Variants in LARGE1 observed in about 807,000 individuals in gnomAD.
LARGE1 encodes xylosyl- and glucuronyltransferase LARGE1.
A neutral mutation model predicts 87.6 loss-of-function variants in LARGE1; 43 were observed. The observed-to-expected ratio is 0.49, with a 90% CI of 0.38 to 0.63. The LOEUF (loss-of-function observed/expected upper bound fraction) is 0.63. Among genes scored for constraint, LARGE1 ranks in the 30% least tolerant of loss-of-function variants. LARGE1 has a pLI of 0.00. For missense variants in LARGE1, 802 were observed against 1,000.2 expected, an observed-to-expected ratio of 0.80 and a Z score of 2.67; for synonymous variants, 434 against 394.6, an observed-to-expected ratio of 1.10 and a Z score of -1.18.
intron 1 of LARGE1, among the ~76,000 whole-genome samples, chr22:33,789,889 G>A (rs1036661755): frequency 1.3e-5 from 2 of 152,168 alleles, no homozygotes; most frequent in Admixed American, 1.3e-4. Context: ...GACTAGCCTT[G>A]TCTCAGATGA....
intron 1 of LARGE1, among the ~76,000 whole-genome samples, chr22:33,806,280 T>C (rs1378383981): frequency 1.3e-5 from 2 of 152,164 alleles, no homozygotes; most frequent in Non-Finnish European, 1.5e-5. Context: ...ATGTGAGGTG[T>C]TGGGAGCATC....
At chr22:33,733,867 T>A (rs1232381781) in intron 2 of LARGE1, among the ~76,000 whole-genome samples, 1 of 152,146 alleles carries the variant, frequency 6.6e-6, no homozygotes, top group Non-Finnish European at 1.5e-5. Context: ...ATAGCATTCA[T>A]GGAGATGGTG....
intron 4 of LARGE1, among the ~76,000 whole-genome samples, chr22:33,616,450 T>C (rs1325532053): frequency 1.3e-5 from 2 of 151,984 alleles, no homozygotes; most frequent in African/African-American, 4.8e-5. Flanking sequence ...GAGGATTGCT[T>C]GAACCCAAGA....
At chr22:33,246,505 G>A (rs1926765679) in intron 11 of LARGE1, among the ~76,000 whole-genome samples, 1 of 152,092 alleles carries the variant, frequency 6.6e-6, no homozygotes, top group African/African-American at 2.4e-5. Context: ...AATTAGCCAG[G>A]CGTGGTGGTG....
At chr22:33,816,623 G>A (rs2086653605) in intron 1 of LARGE1, among the ~76,000 whole-genome samples, 2 of 152,082 alleles carry the variant, frequency 1.3e-5, no homozygotes, top group African/African-American at 4.8e-5. Context: ...ATAGCAGGCA[G>A]GCAGGCGGGA....
downstream of LARGE1, among the ~76,000 whole-genome samples, chr22:33,157,488 T>A (rs1921908715): frequency 6.6e-6 from 1 of 152,196 alleles, no homozygotes. Flanking sequence ...AGTCCCTTCC[T>A]TGTATTATTT....
At chr22:33,314,770 A>G (rs1038530900) in intron 11 of LARGE1, among the ~76,000 whole-genome samples, 1 of 152,190 alleles carries the variant, frequency 6.6e-6, no homozygotes, top group African/African-American at 2.4e-5. Flanking sequence ...ACTGTGGGCC[A>G]TGTGTAAATT....
intron 1 of LARGE1, among the ~76,000 whole-genome samples, chr22:33,810,744 G>T (rs2086467295): frequency 6.7e-6 from 1 of 149,666 alleles, no homozygotes; most frequent in African/African-American, 2.5e-5. Flanking sequence ...TTTTTTTTGA[G>T]ATGGAGTCTT....
chr22:33,334,388 C>G (rs192469411), intron 10 of LARGE1, among the ~76,000 whole-genome samples: 1 of 135,642 alleles, frequency 7.4e-6, no homozygotes, highest in East Asian at 2.1e-4. Context: ...TCTAGCCTGG[C>G]GACAGAGCAA....
chr22:33,704,351 T>C (rs899198314), intron 2 of LARGE1, among the ~76,000 whole-genome samples: 4 of 152,224 alleles, frequency 2.6e-5, no homozygotes, highest in African/African-American at 4.8e-5. Context: ...CCCAGAATCC[T>C]GGCCTGATGA....
intron 11 of LARGE1, among the ~76,000 whole-genome samples, chr22:33,178,449 C>T (rs1173150645): frequency 1.3e-5 from 2 of 152,142 alleles, no homozygotes; most frequent in East Asian, 3.9e-4. Flanking sequence ...TCAAGTTATG[C>T]AGAAGGAGGC....
chr22:33,829,949 C>T (rs2062917737), intron 1 of LARGE1, among the ~76,000 whole-genome samples: 1 of 152,078 alleles, frequency 6.6e-6, no homozygotes, highest in South Asian at 2.1e-4. Context: ...CAGGCCCCTG[C>T]TTGAGAGATT....
intron 6 of LARGE1, among the ~76,000 whole-genome samples, chr22:33,547,772 C>T (rs564628971): frequency 1.3e-4 from 15 of 111,376 alleles, no homozygotes; most frequent in Admixed American, 4.3e-4. Flanking sequence ...CCAGCCTGGA[C>T]GACAGAGTGA....
At position 33,539,468 on chromosome 22, in the gene LARGE1, T is replaced by C. The variant is rs370491498; in HGVS notation, c.787+25380A>G. Among the ~76,000 whole-genome samples the C allele has an allele frequency of 4.6e-5, 7 of 152,322 alleles. No homozygotes were observed. The South Asian group carries it at 1.5e-3, about 32-fold the overall frequency. ...ACTTGCTCAAACATATCCTGTTCTATTAGCTAGGCTGGCTTGACAAACTTA... is the reference window on the plus strand; with the variant it reads ...ACTTGCTCAAACATATCCTGTTCTACTAGCTAGGCTGGCTTGACAAACTTA... On this transcript the variant is annotated intron_variant, in intron 6 of 14. Coordinates refer to ENST00000397394, the MANE Select transcript of LARGE1 (RefSeq NM_133642.5).
chr22:33,331,698 G>A (rs932777785), intron 10 of LARGE1, among the ~76,000 whole-genome samples: 2 of 152,062 alleles, frequency 1.3e-5, no homozygotes, highest in Admixed American at 6.5e-5. Flanking sequence ...GTGAGCCACC[G>A]CACCTGGCCT....
intron 2 of LARGE1, among the ~76,000 whole-genome samples, chr22:33,686,513 A>T (rs1252450990): frequency 1.3e-5 from 2 of 149,710 alleles, no homozygotes; most frequent in Non-Finnish European, 3.0e-5. Flanking sequence ...ATTGTACTCC[A>T]GCCTGGGCAA....
chr22:33,274,639 G>T lies in LARGE1; in HGVS notation c.2074-15C>A. 2 of 1,613,054 alleles carry T rather than the reference G, an allele frequency of 1.2e-6. No homozygotes were observed. Among genetic ancestry groups the T allele is most frequent in the Non-Finnish European group, 8.5e-7 (1 of 1,179,030 alleles). On this transcript the variant is annotated splice_polypyrimidine_tract_variant and intron_variant, in intron 14 of 14. Coordinates refer to ENST00000397394, the MANE Select transcript of LARGE1 (RefSeq NM_133642.5). ...AACTCATACTCCTGGAAGAAGACAA[G>T]AGCAGCGTGAGAACCCGCAAGAGCC...
chr22:33,808,729 G>A (rs144128210), intron 1 of LARGE1, among the ~76,000 whole-genome samples: 39 of 152,310 alleles, frequency 2.6e-4, no homozygotes, highest in Middle Eastern at 3.4e-3. Flanking sequence ...AGGAACCAGT[G>A]TTTCATGCAA....
At chr22:33,888,182 G>C (rs1481973817) in intron 1 of LARGE1, among the ~76,000 whole-genome samples, 1 of 151,902 alleles carries the variant, frequency 6.6e-6, no homozygotes, top group Non-Finnish European at 1.5e-5. Flanking sequence ...CCAGTATTTG[G>C]TTATAAGTAG....
Sources: allele counts gnomAD v4.1 joint callset (sites outside exome capture counted in the v4.1 genomes callset), GRCh38; gene constraint gnomAD v4.1.1; transcripts MANE v1.5; gene names NCBI Gene and HGNC (gene_info 2026-07-23, HGNC 2026-07-21).